Variants in CHD9 observed in about 807,000 individuals in gnomAD.
CHD9 encodes the protein ATP-dependent chromatin remodeler CHD9.
In CHD9, 77 loss-of-function variants were observed where a neutral mutation model predicts 316.1. The ratio of observed to expected loss-of-function variants is 0.24; its 90% CI spans 0.20 to 0.29. CHD9 has a LOEUF of 0.29. Among genes scored for constraint, CHD9 ranks in the 10% least tolerant of loss-of-function variants. CHD9 has a pLI of 1.00. For missense variants in CHD9, 2,763 were observed against 3,438.1 expected (o/e 0.80, Z 4.91); for synonymous variants, 1,129 against 1,158.3 (o/e 0.97, Z 0.51).
At chr16:53,297,640 G>A (rs974560099) in intron 30 of CHD9, among the ~76,000 whole-genome samples, 1 of 152,204 alleles carries the variant, frequency 6.6e-6, no homozygotes, top group African/African-American at 2.4e-5. Context: ...ACTCAACTAA[G>A]GAATTGTTCT....
intron 24 of CHD9, among the ~76,000 whole-genome samples, chr16:53,282,676 A>G (rs1008854386): frequency 6.6e-6 from 1 of 152,274 alleles, no homozygotes; most frequent in African/African-American, 2.4e-5. Flanking sequence ...TCACTATGCA[A>G]TCTACCACAA....
intron 1 of CHD9, among the ~76,000 whole-genome samples, chr16:53,065,984 C>T (rs544052468): frequency 3.3e-5 from 5 of 152,164 alleles, no homozygotes; most frequent in African/African-American, 7.2e-5. Context: ...ACAGATGTTG[C>T]GTGCAGTTCA....
At chr16:53,215,305 C>T in intron 3 of CHD9, among the ~76,000 whole-genome samples, 1 of 152,190 alleles carries the variant, frequency 6.6e-6, no homozygotes, top group African/African-American at 2.4e-5. Context: ...TTATTTCTTA[C>T]TTACATTAAA....
At chr16:53,162,659 A>G (rs1478458740) in intron 2 of CHD9, among the ~76,000 whole-genome samples, 1 of 152,110 alleles carries the variant, frequency 6.6e-6, no homozygotes, top group Non-Finnish European at 1.5e-5. Flanking sequence ...TTGTATTTTG[A>G]TAGATTTTGT....
At chr16:53,172,921 GAT>G (rs1172585267) in intron 2 of CHD9, among the ~76,000 whole-genome samples, 1 of 152,024 alleles carries the variant, frequency 6.6e-6, no homozygotes, top group East Asian at 1.9e-4. Context: ...CTATTTTGCA[GAT>G]ATATTTTCTC....
chr16:53,300,214 G>A (rs1335738015), intron 30 of CHD9, among the ~76,000 whole-genome samples: 1 of 152,142 alleles, frequency 6.6e-6, no homozygotes, highest in Admixed American at 6.5e-5. Context: ...TTAGCCGGGT[G>A]TAGTGGCACG....
intron 2 of CHD9, among the ~76,000 whole-genome samples, chr16:53,198,792 T>C (rs187694778): frequency 1.3e-5 from 2 of 152,336 alleles, no homozygotes; most frequent in Admixed American, 1.3e-4. Flanking sequence ...TTGAATCTTG[T>C]CACATAGATG....
intron 12 of CHD9, 61 bp downstream of exon 12, chr16:53,238,647 A>G: frequency 2.0e-6 from 3 of 1,516,622 alleles, no homozygotes; most frequent in Non-Finnish European, 2.7e-6. Flanking sequence ...GATAAGCATT[A>G]CCTACCAATT....
At chr16:53,218,722 C>A (rs1452859200) in intron 3 of CHD9, among the ~76,000 whole-genome samples, 1 of 152,084 alleles carries the variant, frequency 6.6e-6, no homozygotes, top group Non-Finnish European at 1.5e-5. Flanking sequence ...GCTTATCAAA[C>A]ATTGAAAAAA....
At chr16:53,180,297 G>GC (rs2043403504) in intron 2 of CHD9, among the ~76,000 whole-genome samples, 1 of 151,970 alleles carries the variant, frequency 6.6e-6, no homozygotes, top group Non-Finnish European at 1.5e-5. Context: ...ATGAGCCACC[G>GC]CCCCCGGCCT....
At chr16:53,283,261 C>CTTA (rs934352491) in intron 24 of CHD9, among the ~76,000 whole-genome samples, 1 of 152,170 alleles carries the variant, frequency 6.6e-6, no homozygotes, top group Non-Finnish European at 1.5e-5. Context: ...GCATGACTAT[C>CTTA]TTAATTTATT....
In CHD9 at chr16:53,115,959, G is replaced by A. The variant is rs551054217; in HGVS notation, c.-164-39967G>A. Among the ~76,000 whole-genome samples the A allele has an allele frequency of 2.0e-5, 3 of 152,324 alleles. No homozygotes were observed. The South Asian group carries it at 6.2e-4, about 32-fold the overall frequency. The stretch of plus-strand genomic sequence containing the variant: ...AGGGAAGAGAAGGTGAAAAGGTTCC[G>A]AGACAAGGAGGGTGTGTTTGAGGAA... On this transcript the variant is annotated intron_variant, in intron 1 of 38. Transcript: ENST00000447540.
intron 26 of CHD9, 80 bp from the exon 27 acceptor site, chr16:53,287,877 C>T (rs2054016900): frequency 8.7e-7 from 1 of 1,152,488 alleles, no homozygotes; most frequent in South Asian, 1.2e-5. Context: ...CAAACTAAAA[C>T]CCTCCAACAA....
chr16:53,288,089 C>T (rs371992008), intron 27 of CHD9, 75 bp downstream of exon 27: 1 of 1,130,340 alleles, frequency 8.8e-7, no homozygotes, highest in African/African-American at 1.5e-5. Flanking sequence ...TTTTCTTTTG[C>T]ATTATATTTT....
At chr16:53,293,729 T>C (rs1262211083) in intron 29 of CHD9, among the ~76,000 whole-genome samples, 2 of 152,032 alleles carry the variant, frequency 1.3e-5, no homozygotes, top group East Asian at 3.9e-4. Context: ...GGTGGGTGAA[T>C]CACTTGAGGC....
intron 1 of CHD9, among the ~76,000 whole-genome samples, chr16:53,120,246 TAA>T (rs141484332): frequency 0.037 from 4,328 of 115,972 alleles, 265 homozygotes; most frequent in East Asian, 0.29. Flanking sequence ...AAAATAAAAA[TAA>T]AAAAATTTTT....
At chr16:53,234,965 G>T (rs767658037) in intron 10 of CHD9, among the ~76,000 whole-genome samples, 1 of 152,040 alleles carries the variant, frequency 6.6e-6, no homozygotes, top group African/African-American at 2.4e-5. Context: ...TCTGATTTTG[G>T]TATCAGGGCT....
intron 24 of CHD9, among the ~76,000 whole-genome samples, chr16:53,279,272 A>G (rs991469427): frequency 7.9e-5 from 12 of 151,346 alleles, no homozygotes; most frequent in Non-Finnish European, 1.8e-4. Context: ...AAAAAACCAA[A>G]CACCACATGT....
intron 3 of CHD9, among the ~76,000 whole-genome samples, chr16:53,221,237 A>T (rs190046715): frequency 1.3e-5 from 2 of 152,336 alleles, no homozygotes; most frequent in Admixed American, 1.3e-4. Context: ...AGTTATTATG[A>T]TATCCCTATT....
Sources: gnomAD v4.1 joint callset for allele counts (sites outside exome capture counted in the v4.1 genomes callset) on GRCh38, gnomAD v4.1.1 for gene constraint, MANE v1.5 for transcripts, NCBI Gene and HGNC (gene_info 2026-07-23, HGNC 2026-07-21) for gene names.